SYT1: variants seen among roughly 807,000 people sequenced by gnomAD.
The protein encoded by SYT1 is synaptotagmin 1.
In SYT1, 8 loss-of-function variants were observed where a neutral mutation model predicts 44.8. That is an observed-to-expected ratio of 0.18 (90% CI 0.10 to 0.32). The LOEUF (loss-of-function observed/expected upper bound fraction) is 0.32, where lower values mean the gene tolerates loss of function less well. Among genes scored for constraint, SYT1 ranks in the 10% least tolerant of loss-of-function variants. The probability of loss-of-function intolerance (pLI) is 1.00; values close to 1 mark genes in which losing one functional copy is unlikely to be tolerated. For synonymous variants in SYT1, 154 were observed against 188.8 expected, an observed-to-expected ratio of 0.82 and a Z score of 1.51; for missense variants, 286 against 509.3, an observed-to-expected ratio of 0.56 and a Z score of 4.22.
At chr12:79,233,991 A>T (rs1876026372) in intron 4 of SYT1, among the ~76,000 whole-genome samples, 1 of 152,264 alleles carries the variant, frequency 6.6e-6, no homozygotes, top group South Asian at 2.1e-4. Flanking sequence ...TTGGATCCGT[A>T]TGTACAAGGC....
intron 4 of SYT1, among the ~76,000 whole-genome samples, chr12:79,231,305 A>C (rs1028711747): frequency 1.3e-5 from 2 of 152,146 alleles, no homozygotes; most frequent in South Asian, 2.1e-4. Flanking sequence ...GTGTCTCCCC[A>C]GCCTGTCTTT....
intron 3 of SYT1, among the ~76,000 whole-genome samples, chr12:79,091,866 A>T (rs1185034658): frequency 6.6e-6 from 1 of 151,976 alleles, no homozygotes; most frequent in Non-Finnish European, 1.5e-5. Flanking sequence ...TTTGTTTGCA[A>T]AATAAGTTTT....
chr12:79,228,411 G>T (rs1167008272), intron 4 of SYT1, among the ~76,000 whole-genome samples: 1 of 152,080 alleles, frequency 6.6e-6, no homozygotes, highest in East Asian at 1.9e-4. Flanking sequence ...ACAATTACGA[G>T]GGTTATTACA....
intron 9 of SYT1, among the ~76,000 whole-genome samples, chr12:79,365,852 C>CAAAAA (rs1883521020): frequency 1.4e-5 from 1 of 73,326 alleles, no homozygotes; most frequent in East Asian, 4.9e-4. Flanking sequence ...AAAAAAAAAG[C>CAAAAA]AGGTCATTAG....
intron 3 of SYT1, among the ~76,000 whole-genome samples, chr12:79,099,187 G>GTA (rs1878309968): frequency 6.6e-6 from 1 of 152,058 alleles, no homozygotes; most frequent in Non-Finnish European, 1.5e-5. Context: ...TTACAGTCCT[G>GTA]ATCCTGAGAA....
At chr12:79,180,481 TTTTTTTTA>T (rs1872462636) in intron 3 of SYT1, among the ~76,000 whole-genome samples, 1 of 19,478 alleles carries the variant, frequency 5.1e-5, no homozygotes, top group African/African-American at 2.4e-4. Flanking sequence ...ATTTTCTTTT[TTTTTTTTA>T]AAAAAAGGAG....
chr12:79,158,545 C>T (rs188582016), intron 3 of SYT1, among the ~76,000 whole-genome samples: 4 of 152,138 alleles, frequency 2.6e-5, no homozygotes, highest in African/African-American at 7.2e-5. Flanking sequence ...GCTATAATCA[C>T]CTAAAATAAG....
chr12:79,222,818 A>G (rs1048763914), intron 4 of SYT1, among the ~76,000 whole-genome samples: 1 of 151,822 alleles, frequency 6.6e-6, no homozygotes, highest in Non-Finnish European at 1.5e-5. Context: ...TTCTTCTCTG[A>G]CTATTTTTAA....
At chr12:79,245,164 C>T (rs759882785) in intron 4 of SYT1, among the ~76,000 whole-genome samples, 3 of 152,046 alleles carry the variant, frequency 2.0e-5, no homozygotes, top group Non-Finnish European at 4.4e-5. Flanking sequence ...CTGGCTTTGA[C>T]TTCATAAGAA....
intron 1 of SYT1, among the ~76,000 whole-genome samples, chr12:78,966,863 G>C (rs773206473): frequency 1.3e-5 from 2 of 152,134 alleles, no homozygotes; most frequent in African/African-American, 4.8e-5. Flanking sequence ...GTTGATTTCT[G>C]AGTTACATGT....
intron 3 of SYT1, among the ~76,000 whole-genome samples, chr12:79,214,873 C>T (rs1874681751): frequency 1.3e-5 from 2 of 152,004 alleles, no homozygotes; most frequent in South Asian, 4.1e-4. Flanking sequence ...ATGTGTGTCA[C>T]ATCTGGTGTT....
chr12:79,343,951 A>G (rs1674912878), intron 8 of SYT1, among the ~76,000 whole-genome samples: 1 of 152,222 alleles, frequency 6.6e-6, no homozygotes, highest in South Asian at 2.1e-4. Context: ...AAATTTCCAC[A>G]AACTCCGTGG....
intron 2 of SYT1, among the ~76,000 whole-genome samples, chr12:79,039,812 C>G (rs1222120056): frequency 7.2e-6 from 1 of 138,730 alleles, no homozygotes; most frequent in Non-Finnish European, 1.5e-5. Flanking sequence ...GTGATATTCC[C>G]CTTCCTGTGT....
chr12:78,906,597 T>A (rs2137113939), intron 1 of SYT1, among the ~76,000 whole-genome samples: 1 of 152,212 alleles, frequency 6.6e-6, no homozygotes, highest in African/African-American at 2.4e-5. Flanking sequence ...GCGACAGCAT[T>A]CAAGTTGTGA....
chr12:79,248,541 A>G (rs1876989561), intron 4 of SYT1, among the ~76,000 whole-genome samples: 1 of 152,234 alleles, frequency 6.6e-6, no homozygotes, highest in Admixed American at 6.5e-5. Context: ...GGTGTTTGTG[A>G]AAATGAAAAA....
chr12:79,056,256 A>C (rs542675786), intron 3 of SYT1, among the ~76,000 whole-genome samples: 7 of 152,092 alleles, frequency 4.6e-5, no homozygotes, highest in Non-Finnish European at 8.8e-5. Flanking sequence ...GAGGGAAGAA[A>C]GAAAAGGAGA....
In SYT1 at chr12:78,992,815, T is replaced by A. The variant is rs137969319; in HGVS notation, c.-84+14884T>A. Among the ~76,000 whole-genome samples, 184 of 152,274 alleles carry A rather than the reference T, an allele frequency of 1.2e-3. 2 individuals carry two copies. Among genetic ancestry groups the A allele is most frequent in the African/African-American group, 4.2e-3 (175 of 41,556 alleles). On this transcript the variant is annotated intron_variant, in intron 2 of 10. Coordinates refer to ENST00000261205, the MANE Select transcript of SYT1 (RefSeq NM_005639.3). ...AAGTAAGGTATCTGAGCTGCAGTCA[T>A]CATGTGGGTGTAATAAGTAAAAACT...
At position 79,350,308 on chromosome 12, in the gene SYT1, A is replaced by G. The variant is rs1477342847; in HGVS notation, c.811-3194A>G. ...CGCTCTGTCGCCCAGGCTGGAGTGC[A>G]GTGGCGCGATCTCGGCTCACTGCAA... On this transcript the variant is annotated intron_variant, in intron 8 of 10. Coordinates refer to ENST00000261205, the MANE Select transcript of SYT1 (RefSeq NM_005639.3). Among the ~76,000 whole-genome samples the G allele has an allele frequency of 5.9e-5, 8 of 136,318 alleles. No individual in the cohort carries two copies. The East Asian group carries it at 1.3e-3, about 22-fold the overall frequency. The allele number at this position is 136,318 out of a possible 152,430, so 89.4% of individuals were successfully genotyped here.
intron 9 of SYT1, among the ~76,000 whole-genome samples, chr12:79,357,396 T>G (rs1264369126): frequency 6.6e-6 from 1 of 152,216 alleles, no homozygotes; most frequent in Non-Finnish European, 1.5e-5. Context: ...GAGAAATGTA[T>G]CATTAGGTTA....
Sources: allele counts gnomAD v4.1 joint callset (sites outside exome capture counted in the v4.1 genomes callset), GRCh38; gene constraint gnomAD v4.1.1; transcripts MANE v1.5; gene names NCBI Gene and HGNC (gene_info 2026-07-23, HGNC 2026-07-21).